The following MTBP variants were observed in gnomAD, a reference collection of about 807,000 sequenced individuals.
MTBP encodes mdm2-binding protein.
In MTBP, 101 loss-of-function variants were observed where a neutral mutation model predicts 117.0. The observed-to-expected ratio is 0.86, with a 90% CI of 0.73 to 1.02. MTBP has a LOEUF of 1.02. Ranked by LOEUF, MTBP falls within the 50% of genes least tolerant of loss-of-function variation. The pLI, the probability that MTBP is intolerant of heterozygous loss-of-function variation, is 0.00. For synonymous variants in MTBP, 350 were observed against 351.5 expected, an observed-to-expected ratio of 1.00 and a Z score of 0.05; for missense variants, 970 against 1,030.9, an observed-to-expected ratio of 0.94 and a Z score of 0.81.
intron 11 of MTBP, chr8:120,472,893 G>A (rs2130551581): frequency 6.6e-6 from 1 of 152,312 alleles, no homozygotes. Context: ...TAGAATGTTA[G>A]TTAGGAATGG....
At chr8:120,449,294 T>C (rs966524753) in intron 2 of MTBP, among the ~76,000 whole-genome samples, 6 of 152,084 alleles carry the variant, frequency 3.9e-5, no homozygotes, top group Non-Finnish European at 1.5e-5. Flanking sequence ...GATGGTGGCA[T>C]TTAGTGAGAA....
chr8:120,490,440 CT>C (rs765099676), intron 12 of MTBP, 22 bp from the exon 13 acceptor site: 1,313 of 1,313,516 alleles, frequency 1.0e-3, no homozygotes, highest in Middle Eastern at 1.6e-3. Flanking sequence ...TAATGTTGAC[CT>C]TTTTTTTTTC....
intron 17 of MTBP, among the ~76,000 whole-genome samples, chr8:120,514,900 C>T (rs1814888946): frequency 6.6e-6 from 1 of 151,904 alleles, no homozygotes; most frequent in South Asian, 2.1e-4. Context: ...GTAATTTGGC[C>T]AAGTTCTCAC....
At chr8:120,465,509 A>T (rs1813667353) in intron 10 of MTBP, among the ~76,000 whole-genome samples, 1 of 152,202 alleles carries the variant, frequency 6.6e-6, no homozygotes, top group African/African-American at 2.4e-5. Context: ...TTTGAAGTTT[A>T]TGTGGCCCAA....
In MTBP at chr8:120,445,469, A is replaced by G; in HGVS notation, c.-2A>G. ...TAAAGTTGGGGGGTGATCTCTGAGG[A>G]GATGGATCGGTACCTGCTGCTGGTG... On this transcript the variant is annotated 5_prime_UTR_variant, in exon 1 of 22. Coordinates refer to ENST00000305949, the MANE Select transcript of MTBP (RefSeq NM_022045.5). 1 of 1,612,446 alleles carries G rather than the reference A, an allele frequency of 6.2e-7. No individual in the cohort carries two copies. Among genetic ancestry groups the G allele is most frequent in the Non-Finnish European group, 8.5e-7 (1 of 1,179,228 alleles).
intron 14 of MTBP, among the ~76,000 whole-genome samples, chr8:120,501,582 C>T (rs911366662): frequency 6.6e-6 from 1 of 151,574 alleles, no homozygotes; most frequent in African/African-American, 2.4e-5. Flanking sequence ...AATTCCTTTA[C>T]CAAATCATTA....
chr8:120,516,273 C>T, intron 18 of MTBP, 82 bp downstream of exon 18: 2 of 1,216,410 alleles, frequency 1.6e-6, no homozygotes, highest in Non-Finnish European at 2.2e-6. Context: ...TTATATTAGT[C>T]TTTCAGGTTA....
intron 2 of MTBP, among the ~76,000 whole-genome samples, chr8:120,449,552 A>G (rs892769699): frequency 4.6e-4 from 70 of 152,298 alleles, no homozygotes; most frequent in African/African-American, 1.6e-3. Context: ...TTTTTGCACC[A>G]ATTAATACAA....
rs1814495048 is a variant in MTBP at position 120,497,528 on chromosome 8, A to G, written c.1583A>G (p.Lys528Arg). ...IPKMILRKMDKIKTFNILNDF... is the reference protein window; with the variant it reads ...IPKMILRKMDRIKTFNILNDF... The stretch of plus-strand genomic sequence containing the variant: ...AAAATGATTCTAAGAAAGATGGACA[A>G]AATTAAAACCTTCAATATATTAAAT... Residue 528 changes from lysine to arginine, a missense_variant, in exon 14 of 22, where the codon AAA becomes AGA. Lys to Arg is a conservative substitution (Grantham distance 26, BLOSUM62 2). Coordinates refer to ENST00000305949, the MANE Select transcript of MTBP (RefSeq NM_022045.5). 2 of 1,545,578 alleles carry G rather than the reference A, an allele frequency of 1.3e-6. No individual in the cohort carries two copies. Among genetic ancestry groups the G allele is most frequent in the Non-Finnish European group, 1.8e-6 (2 of 1,129,770 alleles).
intron 4 of MTBP, among the ~76,000 whole-genome samples, chr8:120,453,476 A>G (rs995590272): frequency 4.6e-5 from 7 of 152,050 alleles, no homozygotes; most frequent in African/African-American, 1.4e-4. Flanking sequence ...AAAATAAATA[A>G]ATAAATAAAA....
chr8:120,461,055 A>G (rs1247314197), intron 8 of MTBP, 106 bp from the exon 9 acceptor site: 4 of 735,692 alleles, frequency 5.4e-6, no homozygotes. Context: ...AATGTGTAAA[A>G]AGTTGCTTTT....
At chr8:120,475,397 C>G (rs1813911668) in intron 11 of MTBP, among the ~76,000 whole-genome samples, 1 of 151,876 alleles carries the variant, frequency 6.6e-6, no homozygotes, top group Non-Finnish European at 1.5e-5. Context: ...GTTCTCCAGA[C>G]AGATAAAGAA....
intron 17 of MTBP, among the ~76,000 whole-genome samples, chr8:120,512,682 T>G (rs991715856): frequency 4.6e-5 from 7 of 152,118 alleles, no homozygotes; most frequent in African/African-American, 1.7e-4. Context: ...CCTACTCCCA[T>G]AAACAAATAA....
chr8:120,453,070 A>G (rs1413205383), intron 4 of MTBP, among the ~76,000 whole-genome samples: 1 of 152,204 alleles, frequency 6.6e-6, no homozygotes, highest in Non-Finnish European at 1.5e-5. Context: ...AGAGGGCGTC[A>G]TATTCTTTAG....
intron 11 of MTBP, among the ~76,000 whole-genome samples, chr8:120,487,532 A>G (rs1012402635): frequency 1.3e-5 from 2 of 152,264 alleles, no homozygotes; most frequent in Admixed American, 6.5e-5. Flanking sequence ...CCAACTCACC[A>G]TCTTCAACAA....
At chr8:120,506,628 C>CT (rs369783487) in intron 15 of MTBP, 78 bp from the exon 16 acceptor site, 20,831 of 979,790 alleles carry the variant, frequency 0.021, no homozygotes, top group Non-Finnish European at 0.024. Flanking sequence ...CCCGACTGTG[C>CT]TTTTTTTTTT....
At chr8:120,480,181 C>T (rs1174560894) in intron 11 of MTBP, among the ~76,000 whole-genome samples, 1 of 148,498 alleles carries the variant, frequency 6.7e-6, no homozygotes, top group East Asian at 2.0e-4. Context: ...TAGAAATTGA[C>T]AAACTGCAGG....
intron 11 of MTBP, among the ~76,000 whole-genome samples, chr8:120,487,355 G>A (rs1315196476): frequency 6.6e-6 from 1 of 152,128 alleles, no homozygotes; most frequent in Non-Finnish European, 1.5e-5. Context: ...CCTTAGCAGT[G>A]GAGAGATTGA....
intron 21 of MTBP, among the ~76,000 whole-genome samples, chr8:120,523,020 T>G (rs1815032073): frequency 6.6e-6 from 1 of 152,170 alleles, no homozygotes; most frequent in South Asian, 2.1e-4. Context: ...GTTTAGTTTA[T>G]TTGATTGACC....
Sources: gnomAD v4.1 joint callset for allele counts (sites outside exome capture counted in the v4.1 genomes callset) on GRCh38, gnomAD v4.1.1 for gene constraint, MANE v1.5 for transcripts, NCBI Gene and HGNC (gene_info 2026-07-23, HGNC 2026-07-21) for gene names.